Variants in FAM110B observed in about 807,000 individuals in gnomAD.
FAM110B encodes protein FAM110B.
FAM110B carries 6 observed loss-of-function variants against 20.4 expected under a neutral mutation model. The observed-to-expected ratio is 0.29, with a 90% confidence interval of 0.16 to 0.58. The LOEUF is 0.58. FAM110B is among the 20% of genes least tolerant of loss of function. The pLI is 0.90. For missense variants in FAM110B, 434 were observed against 498.2 expected, an observed-to-expected ratio of 0.87 and a Z score of 1.23; for synonymous variants, 226 against 214.1, an observed-to-expected ratio of 1.06 and a Z score of -0.49.
chr8:58,082,857 T>C (rs913415571), intron 3 of FAM110B, among the ~76,000 whole-genome samples: 4 of 150,834 alleles, frequency 2.7e-5, no homozygotes, highest in Admixed American at 1.3e-4. Flanking sequence ...GTTTTTTTTT[T>C]TTTTAAATGA....
chr8:58,047,595 T>TCC (rs1417173826), intron 2 of FAM110B, among the ~76,000 whole-genome samples: 3 of 113,472 alleles, frequency 2.6e-5, no homozygotes, highest in African/African-American at 1.0e-4. Flanking sequence ...CTTTTTCCTC[T>TCC]CTCTCTCTCT....
Position 58,049,514 on chromosome 8 carries a change from G to A in FAM110B, c.-414+17811G>A, listed in dbSNP as rs369228055. Among the ~76,000 whole-genome samples, 62 of 152,166 alleles carry A rather than the reference G, an allele frequency of 4.1e-4. No homozygotes were observed. In the South Asian group the frequency reaches 0.013, roughly 32 times the overall value. On this transcript the variant is annotated intron_variant, in intron 2 of 3. Coordinates refer to ENST00000519262, the MANE Select transcript of FAM110B (RefSeq NM_001377989.1). Reference sequence around the variant, plus strand: ...TAGCTTGTAACAGTCTTGGATGTATGGATGGATGGATGCACAGCAGATGGA... The same window carrying A: ...TAGCTTGTAACAGTCTTGGATGTATAGATGGATGGATGCACAGCAGATGGA...
At chr8:58,112,209 G>C (rs1245712971) in intron 3 of FAM110B, among the ~76,000 whole-genome samples, 1 of 152,142 alleles carries the variant, frequency 6.6e-6, no homozygotes, top group African/African-American at 2.4e-5. Flanking sequence ...CACACTTGTA[G>C]TTCCATCTAC....
intron 2 of FAM110B, among the ~76,000 whole-genome samples, chr8:58,065,727 T>A (rs1805745674): frequency 6.6e-6 from 1 of 152,182 alleles, no homozygotes; most frequent in Non-Finnish European, 1.5e-5. Flanking sequence ...CTGGAGTTGC[T>A]GAGCAAGTCC....
chr8:57,998,064 G>A (rs1279684263), intron 1 of FAM110B, among the ~76,000 whole-genome samples: 1 of 152,198 alleles, frequency 6.6e-6, no homozygotes, highest in African/African-American at 2.4e-5. Context: ...TTTCAGGTTT[G>A]ATGTCAACAA....
At chr8:58,103,284 C>T (rs1315380847) in intron 3 of FAM110B, among the ~76,000 whole-genome samples, 1 of 151,802 alleles carries the variant, frequency 6.6e-6, no homozygotes. Context: ...AACTCGTCAT[C>T]TAGCATTAGG....
chr8:58,004,907 C>T (rs1481752308), intron 1 of FAM110B, among the ~76,000 whole-genome samples: 1 of 152,186 alleles, frequency 6.6e-6, no homozygotes, highest in Admixed American at 6.5e-5. Context: ...TTTATCCAGA[C>T]CACTAAAACT....
At chr8:58,125,639 C>T (rs1585907986) in intron 3 of FAM110B, among the ~76,000 whole-genome samples, 1 of 152,032 alleles carries the variant, frequency 6.6e-6, no homozygotes. Flanking sequence ...AAAGTTTGAC[C>T]CTAGGTTATT....
intron 3 of FAM110B, among the ~76,000 whole-genome samples, chr8:58,107,690 G>T (rs1051472074): frequency 6.6e-6 from 1 of 152,198 alleles, no homozygotes; most frequent in African/African-American, 2.4e-5. Flanking sequence ...TATTTTTAAT[G>T]CATCAGATCC....
At chr8:58,006,923 A>ATATTTTTTTTT in intron 1 of FAM110B, among the ~76,000 whole-genome samples, 1 of 126,516 alleles carries the variant, frequency 7.9e-6, no homozygotes, top group Non-Finnish European at 1.6e-5. Flanking sequence ...ATATATATAT[A>ATATTTTTTTTT]TTTTTCCAAA....
At chr8:58,066,370 C>T (rs1805762004) in intron 2 of FAM110B, among the ~76,000 whole-genome samples, 1 of 152,206 alleles carries the variant, frequency 6.6e-6, no homozygotes, top group South Asian at 2.1e-4. Flanking sequence ...AGGACCTCTT[C>T]AGGCAGTGAA....
intron 2 of FAM110B, among the ~76,000 whole-genome samples, chr8:58,040,034 T>G (rs1805178317): frequency 6.6e-6 from 1 of 152,166 alleles, no homozygotes; most frequent in African/African-American, 2.4e-5. Context: ...TTTTTGTTTG[T>G]AGAGACAGCC....
chr8:58,011,430 G>A (rs974181539), intron 1 of FAM110B, among the ~76,000 whole-genome samples: 6 of 152,094 alleles, frequency 3.9e-5, no homozygotes, highest in South Asian at 2.1e-4. Context: ...TAGAGACTGC[G>A]CAGGAACTCT....
At chr8:58,054,036 T>C (rs1436948135) in intron 2 of FAM110B, among the ~76,000 whole-genome samples, 1 of 152,198 alleles carries the variant, frequency 6.6e-6, no homozygotes, top group Non-Finnish European at 1.5e-5. Flanking sequence ...AACAACCAGA[T>C]GAGTTACAGT....
At chr8:58,046,133 T>C (rs752486666) in intron 2 of FAM110B, among the ~76,000 whole-genome samples, 56 of 152,220 alleles carry the variant, frequency 3.7e-4, no homozygotes, top group Non-Finnish European at 1.0e-4. Flanking sequence ...TATGATCTTA[T>C]TGTTAACATA....
At chr8:58,095,426 C>G (rs1806597873) in intron 3 of FAM110B, among the ~76,000 whole-genome samples, 1 of 152,204 alleles carries the variant, frequency 6.6e-6, no homozygotes, top group African/African-American at 2.4e-5. Context: ...CCCAGATATT[C>G]TGGCACATTG....
At chr8:58,050,785 A>G (rs1426380296) in intron 2 of FAM110B, among the ~76,000 whole-genome samples, 2 of 152,224 alleles carry the variant, frequency 1.3e-5, no homozygotes, top group Middle Eastern at 3.4e-3. Flanking sequence ...CCTGCCAATC[A>G]CGGGAGTCAA....
chr8:58,052,441 A>G (rs1805466191), intron 2 of FAM110B, among the ~76,000 whole-genome samples: 1 of 152,200 alleles, frequency 6.6e-6, no homozygotes, highest in South Asian at 2.1e-4. Context: ...TTTATTGATA[A>G]CTTACTTATC....
At chr8:58,062,371 C>G (rs1805674554) in intron 2 of FAM110B, among the ~76,000 whole-genome samples, 1 of 152,148 alleles carries the variant, frequency 6.6e-6, no homozygotes, top group African/African-American at 2.4e-5. Flanking sequence ...CTTTATAGTA[C>G]AGATGGAATA....
Sources: allele counts gnomAD v4.1 joint callset (sites outside exome capture counted in the v4.1 genomes callset), GRCh38; gene constraint gnomAD v4.1.1; transcripts MANE v1.5; gene names NCBI Gene and HGNC (gene_info 2026-07-23, HGNC 2026-07-21).